PCDH15: variants seen among roughly 807,000 people sequenced by gnomAD.
PCDH15 encodes protocadherin related 15.
In PCDH15, 129 loss-of-function variants were observed where a neutral mutation model predicts 178.5. The ratio of observed to expected loss-of-function variants is 0.72; its 90% CI spans 0.63 to 0.84. The LOEUF (loss-of-function observed/expected upper bound fraction) is 0.84, where lower values mean the gene tolerates loss of function less well. PCDH15 is among the 40% of genes least tolerant of loss of function. The probability of loss-of-function intolerance (pLI) is 0.00; values close to 1 mark genes in which losing one functional copy is unlikely to be tolerated. For synonymous variants in PCDH15, 800 were observed against 732.0 expected, an observed-to-expected ratio of 1.09 and a Z score of -1.50; for missense variants, 2,230 against 2,099.9, an observed-to-expected ratio of 1.06 and a Z score of -1.21.
intron 1 of PCDH15, among the ~76,000 whole-genome samples, chr10:55,178,543 G>C (rs1050911334): frequency 6.6e-6 from 1 of 152,066 alleles, no homozygotes; most frequent in Admixed American, 6.6e-5. Flanking sequence ...TCAGGTCTGG[G>C]TTGGGAGGGA....
chr10:54,652,066 T>C (rs2135212521), intron 2 of PCDH15, among the ~76,000 whole-genome samples: 1 of 152,274 alleles, frequency 6.6e-6, no homozygotes, highest in South Asian at 2.1e-4. Flanking sequence ...TAGACTAAGC[T>C]GTCCTAGGAA....
chr10:54,286,971 C>T (rs972928227), intron 8 of PCDH15, among the ~76,000 whole-genome samples: 1 of 152,110 alleles, frequency 6.6e-6, no homozygotes, highest in Admixed American at 6.5e-5. Flanking sequence ...TTCTCTTTTG[C>T]TGTACTTATT....
intron 5 of PCDH15, among the ~76,000 whole-genome samples, chr10:54,350,320 G>C (rs1023222772): frequency 6.6e-6 from 1 of 152,128 alleles, no homozygotes. Flanking sequence ...CCAAGGTGAG[G>C]TTTGCTCTCC....
At chr10:54,168,727 A>G (rs2133575613) in intron 13 of PCDH15, among the ~76,000 whole-genome samples, 1 of 152,204 alleles carries the variant, frequency 6.6e-6, no homozygotes, top group Non-Finnish European at 1.5e-5. Context: ...CAACCCTGAG[A>G]CACTTTACAG....
intron 2 of PCDH15, among the ~76,000 whole-genome samples, chr10:55,094,787 A>G (rs1438489998): frequency 6.6e-6 from 1 of 152,056 alleles, no homozygotes; most frequent in East Asian, 1.9e-4. Flanking sequence ...CTTACAAATA[A>G]TTTCATTCAG....
chr10:53,842,156 T>C (rs936504832), intron 28 of PCDH15, among the ~76,000 whole-genome samples: 5 of 152,196 alleles, frequency 3.3e-5, no homozygotes, highest in African/African-American at 1.2e-4. Flanking sequence ...AATGATATAA[T>C]GTTGAGGAGT....
intron 9 of PCDH15, among the ~76,000 whole-genome samples, chr10:54,232,235 T>A (rs1396720241): frequency 6.6e-6 from 1 of 152,116 alleles, no homozygotes; most frequent in East Asian, 1.9e-4. Flanking sequence ...TCTCATGAGA[T>A]CTGGTTGTTT....
At chr10:54,829,083 G>C (rs900234983) in intron 3 of PCDH15, among the ~76,000 whole-genome samples, 1 of 151,952 alleles carries the variant, frequency 6.6e-6, no homozygotes, top group Non-Finnish European at 1.5e-5. Flanking sequence ...AGGTTTCCAA[G>C]GTTAGTTTTT....
At chr10:54,487,670 CAATT>C (rs1453353587) in intron 3 of PCDH15, among the ~76,000 whole-genome samples, 1 of 151,898 alleles carries the variant, frequency 6.6e-6, no homozygotes, top group Non-Finnish European at 1.5e-5. Flanking sequence ...CAATATCTAT[CAATT>C]ACTTCTAAAG....
intron 10 of PCDH15, among the ~76,000 whole-genome samples, chr10:54,210,960 A>G (rs949342398): frequency 2.0e-5 from 3 of 152,074 alleles, no homozygotes; most frequent in Non-Finnish European, 4.4e-5. Context: ...GAACTGAGAG[A>G]CAGTAAATTA....
intron 2 of PCDH15, among the ~76,000 whole-genome samples, chr10:55,356,125 T>C (rs1215776351): frequency 2.6e-5 from 4 of 152,028 alleles, no homozygotes; most frequent in African/African-American, 7.2e-5. Context: ...CAATTTGAAG[T>C]CATTATTAAC....
chr10:54,536,897 GTTGACGGGCACTTACA>G (rs2084595620), intron 2 of PCDH15, among the ~76,000 whole-genome samples: 1 of 151,152 alleles, frequency 6.6e-6, no homozygotes, highest in Admixed American at 6.6e-5. Flanking sequence ...CCAATTCACT[GTTGACGGGCACTTACA>G]TTGAATCCAT....
rs1554938299 is a variant in PCDH15, at chr10:54,375,898, A to ATAAT, written c.318+2883_318+2884insATTA. Among the ~76,000 whole-genome samples the ATAAT allele has an allele frequency of 9.5e-4, 132 of 139,582 alleles. 2 individuals carry two copies. The highest frequency in any genetic ancestry group is 1.9e-3 in the African/African-American group (69 of 37,160). 91.6% of individuals were successfully genotyped at this position (139,582 alleles called of 152,430 possible). The stretch of plus-strand genomic sequence containing the variant: ...GAAACGGAATATATATATATATATA[A>ATAAT]TTTTTTTTCTTTTTGAGACGGAGTC... On this transcript the variant is annotated intron_variant, in intron 4 of 37. Coordinates refer to ENST00000644397, the MANE Select transcript of PCDH15 (RefSeq NM_001384140.1).
At chr10:54,919,182 T>TTC (rs1837420340) in intron 2 of PCDH15, among the ~76,000 whole-genome samples, 1 of 152,202 alleles carries the variant, frequency 6.6e-6, no homozygotes, top group Admixed American at 6.5e-5. Context: ...TACTCTTTTT[T>TTC]TGGATTCCAT....
intron 3 of PCDH15, among the ~76,000 whole-genome samples, chr10:54,391,750 A>G (rs1232542539): frequency 2.0e-5 from 3 of 152,302 alleles, no homozygotes; most frequent in Non-Finnish European, 4.4e-5. Context: ...TGTGGAAGCC[A>G]ACTGAATGTC....
intron 15 of PCDH15, among the ~76,000 whole-genome samples, chr10:54,118,734 A>G (rs1163044799): frequency 6.6e-6 from 1 of 151,844 alleles, no homozygotes; most frequent in Non-Finnish European, 1.5e-5. Flanking sequence ...ACTAAAAACT[A>G]AAACTATAAT....
Position 53,940,995 on chromosome 10 carries a change from G to A in PCDH15, c.3123-20C>T. 6.8e-7 allele frequency: 1 copy of A among 1,472,438 alleles called. No homozygotes were observed. The highest frequency in any genetic ancestry group is 9.5e-7 in the Non-Finnish European group (1 of 1,052,106). The allele number at this position is 1,472,438 out of a possible 1,614,324, so 91.2% of individuals were successfully genotyped here. A position where few individuals can be genotyped will look rare whatever the true frequency, so the allele number is the denominator to read the frequency against. On this transcript the variant is annotated intron_variant, in intron 23 of 37. Transcript: ENST00000644397. ...GGAGGTCTGCAGGTTTAGAGAAGAT[G>A]ATGTATTTATTTTTAAATATAATTT...
chr10:55,064,148 G>T (rs1227478691), intron 2 of PCDH15, among the ~76,000 whole-genome samples: 2 of 152,162 alleles, frequency 1.3e-5, no homozygotes, highest in East Asian at 3.9e-4. Context: ...ATCTCCTAAT[G>T]AAAAGATTCT....
intron 1 of PCDH15, among the ~76,000 whole-genome samples, chr10:54,737,646 T>C (rs1389153419): frequency 2.0e-5 from 3 of 152,098 alleles, no homozygotes; most frequent in Non-Finnish European, 2.9e-5. Context: ...TTTTCATCTG[T>C]GAAGTCAAAA....
Sources: gnomAD v4.1 joint callset for allele counts (sites outside exome capture counted in the v4.1 genomes callset) on GRCh38, gnomAD v4.1.1 for gene constraint, MANE v1.5 for transcripts, NCBI Gene and HGNC (gene_info 2026-07-23, HGNC 2026-07-21) for gene names.